The following RGPD2 variants were observed in gnomAD, a reference collection of about 807,000 sequenced individuals.
RGPD2 encodes RANBP2-like and GRIP domain-containing protein 2.
In RGPD2, 2 loss-of-function variants were observed where a neutral mutation model predicts 36.0. That is an observed-to-expected ratio of 0.06 (90% CI 0.02 to 0.17). RGPD2 has a LOEUF of 0.17. RGPD2 is among the 10% of genes least tolerant of loss of function. The pLI, the probability that RGPD2 is intolerant of heterozygous loss-of-function variation, is 1.00. For missense variants in RGPD2, 40 were observed against 464.3 expected (o/e 0.09, Z 8.40); for synonymous variants, 19 against 163.8 (o/e 0.12, Z 6.75).
At chr2:87,825,493 C>CCCGGCCA (rs1686717321) in intron 1 of RGPD2, among the ~76,000 whole-genome samples, 165 bp downstream of exon 1, 1 of 69,106 alleles carries the variant, frequency 1.4e-5, no homozygotes, top group Non-Finnish European at 3.1e-5. Context: ...CGCCGCCGCC[C>CCCGGCCA]GGCCGAGGCC....
At chr2:87,849,001 T>A in the RGPD2 span, among the ~76,000 whole-genome samples, 1 of 151,866 alleles carries the variant, frequency 6.6e-6, no homozygotes, top group Non-Finnish European at 1.5e-5. Flanking sequence ...TCTTACAAAT[T>A]ATTTTTTCAG....
chr2:87,857,506 C>T, the RGPD2 span, among the ~76,000 whole-genome samples: 3 of 151,474 alleles, frequency 2.0e-5, no homozygotes, highest in African/African-American at 7.3e-5. Flanking sequence ...CCACGCCTGG[C>T]TAATTTTTTG....
the RGPD2 span, among the ~76,000 whole-genome samples, chr2:87,913,249 T>C: frequency 2.6e-4 from 40 of 151,654 alleles, no homozygotes; most frequent in East Asian, 7.9e-3. Context: ...TGTAGGGACA[T>C]GGATAAAGTT....
Position 87,756,006 on chromosome 2 carries a change from CTTTG to C in RGPD2, c.*1382_*1385del, listed in dbSNP as rs1436435636. 1 of 4,040 alleles carries C rather than the reference CTTTG, an allele frequency of 2.5e-4. No individual in the cohort carries two copies. The highest frequency in any genetic ancestry group is 2.8e-3 in the East Asian group (1 of 352). The allele number at this position is 4,040 out of a possible 1,614,324, so 0.3% of individuals were successfully genotyped here. A position where few individuals can be genotyped will look rare whatever the true frequency, so the allele number is the denominator to read the frequency against. On this transcript the variant is annotated 3_prime_UTR_variant, in exon 23 of 23. Transcript: ENST00000398146. ...TAGTTAAAAACCAAACAAAAAAGAG[CTTTG>C]TTTCTTTTCACATTCATTTCTCAGT...
the RGPD2 span, among the ~76,000 whole-genome samples, chr2:87,857,903 A>G: frequency 9.2e-5 from 14 of 152,196 alleles, no homozygotes; most frequent in Admixed American, 3.3e-4. Context: ...TTCTGAGTAG[A>G]TACTGTATGT....
the RGPD2 span, among the ~76,000 whole-genome samples, chr2:87,848,927 A>G: frequency 6.7e-6 from 1 of 150,316 alleles, no homozygotes; most frequent in Non-Finnish European, 1.5e-5. Context: ...TTTTGGTATC[A>G]ATGCTAGTCC....
the RGPD2 span, among the ~76,000 whole-genome samples, chr2:87,848,859 GGTGTGTGTGTGT>G: frequency 1.4e-5 from 2 of 144,928 alleles, no homozygotes; most frequent in Non-Finnish European, 3.1e-5. Context: ...TTGAGGGTGT[GGTGTGTGTGTGT>G]GTGTGTGTGT....
chr2:87,798,768 T>G (rs904460342), intron 8 of RGPD2, among the ~76,000 whole-genome samples: 3 of 120,860 alleles, frequency 2.5e-5, no homozygotes, highest in South Asian at 2.8e-4. Context: ...CTGGGGAGGC[T>G]GAGGGAGGAG....
At chr2:87,763,275 A>C (rs1262780998) in intron 22 of RGPD2, among the ~76,000 whole-genome samples, 2 of 148,354 alleles carry the variant, frequency 1.3e-5, no homozygotes, top group African/African-American at 5.1e-5. Context: ...CTCCTGCCTC[A>C]GCCTCCCTAG....
chr2:87,830,107 G>A, upstream of RGPD2, among the ~76,000 whole-genome samples: 1 of 148,714 alleles, frequency 6.7e-6, no homozygotes, highest in Non-Finnish European at 1.5e-5. Flanking sequence ...CCAAAATTCA[G>A]TGAGGCTGTT....
the RGPD2 span, among the ~76,000 whole-genome samples, chr2:87,847,759 AATGC>A: frequency 2.1e-5 from 3 of 146,218 alleles, no homozygotes; most frequent in African/African-American, 7.6e-5. Context: ...AACCTCCCAA[AATGC>A]TGAGATTACA....
the RGPD2 span, among the ~76,000 whole-genome samples, chr2:87,915,767 A>G: frequency 6.6e-6 from 1 of 150,442 alleles, no homozygotes; most frequent in East Asian, 1.9e-4. Context: ...TGTTACAGCA[A>G]TGTACATAAC....
chr2:87,952,768 G>A, the RGPD2 span, among the ~76,000 whole-genome samples: 1 of 152,202 alleles, frequency 6.6e-6, no homozygotes, highest in African/African-American at 2.4e-5. Context: ...TCATCGTTGT[G>A]TAATTAGAAG....
chr2:87,894,912 G>A, the RGPD2 span, among the ~76,000 whole-genome samples: 1 of 133,300 alleles, frequency 7.5e-6, no homozygotes. Context: ...TCCTGAACAA[G>A]TCATCTCAGA....
chr2:87,834,893 C>T, the RGPD2 span, among the ~76,000 whole-genome samples: 11 of 149,822 alleles, frequency 7.3e-5, no homozygotes, highest in Admixed American at 4.0e-4. Flanking sequence ...AGAAGCCCAA[C>T]GTTGTAATAC....
chr2:87,824,825 GGCCGCC>G (rs1218425688), intron 1 of RGPD2: 6 of 93,174 alleles, frequency 6.4e-5, no homozygotes, highest in Admixed American at 1.1e-4. Context: ...GCCAGGCCGA[GGCCGCC>G]GCCGCCGCCG....
At chr2:87,971,462 AAT>A in the RGPD2 span, among the ~76,000 whole-genome samples, 762 of 123,974 alleles carry the variant, frequency 6.1e-3, 34 homozygotes, top group African/African-American at 0.018. Context: ...ATTATATATA[AAT>A]ATATATATAA....
chr2:87,964,568 C>G, the RGPD2 span, among the ~76,000 whole-genome samples: 188 of 152,316 alleles, frequency 1.2e-3, no homozygotes, highest in African/African-American at 4.1e-3. Flanking sequence ...GAGTCTCACA[C>G]TGCCGCCCAG....
chr2:87,825,173 T>C (rs1356477565), intron 1 of RGPD2: 2 of 391,960 alleles, frequency 5.1e-6, no homozygotes, highest in African/African-American at 2.1e-5. Flanking sequence ...GTACTGATCA[T>C]TCTATTTCCC....
Sources: allele counts gnomAD v4.1 joint callset (sites outside exome capture counted in the v4.1 genomes callset), GRCh38; gene constraint gnomAD v4.1.1; transcripts MANE v1.5; gene names NCBI Gene and HGNC (gene_info 2026-07-23, HGNC 2026-07-21).